Variants in GALNT17 observed in about 807,000 individuals in gnomAD.
GALNT17 encodes the protein UDP-GalNAc:polypeptide N-acetylgalactosaminyltransferase-like 3.
In GALNT17, 29 loss-of-function variants were observed where a neutral mutation model predicts 63.7. The observed-to-expected ratio is 0.46, with a 90% confidence interval of 0.34 to 0.62. The LOEUF (loss-of-function observed/expected upper bound fraction) is 0.62, where lower values mean the gene tolerates loss of function less well. Among genes scored for constraint, GALNT17 ranks in the 20% least tolerant of loss-of-function variants. The pLI is 0.01. For missense variants in GALNT17, 603 were observed against 799.6 expected (o/e 0.75, Z 2.97); for synonymous variants, 305 against 318.3 (o/e 0.96, Z 0.45).
chr7:71,358,313 TGAACGCCG>T (rs1156726784), intron 2 of GALNT17, among the ~76,000 whole-genome samples: 1 of 152,222 alleles, frequency 6.6e-6, no homozygotes, highest in Non-Finnish European at 1.5e-5. Context: ...GAGAATCACT[TGAACGCCG>T]GAGGCGGAGG....
intron 1 of GALNT17, among the ~76,000 whole-genome samples, chr7:71,281,940 A>G (rs1558003): frequency 0.45 from 68,968 of 151,994 alleles, 16,799 homozygotes; most frequent in Non-Finnish European, 0.53. Flanking sequence ...CTTCTGGAAA[A>G]AATCCGATTC....
chr7:71,380,351 T>A (rs1053833845), intron 2 of GALNT17, among the ~76,000 whole-genome samples: 2 of 152,098 alleles, frequency 1.3e-5, no homozygotes, highest in African/African-American at 2.4e-5. Flanking sequence ...TATTATTATT[T>A]TTGAAACAGA....
At position 71,377,110 on chromosome 7, in the gene GALNT17, A is replaced by T. The variant is rs1226508704; in HGVS notation, c.423-11125A>T. 9.6e-3 allele frequency among the ~76,000 whole-genome samples: 606 copies of T among 63,088 alleles called. 53 individuals are homozygous for T. The highest frequency in any genetic ancestry group is 0.028 in the African/African-American group (350 of 12,592). The allele number at this position is 63,088 out of a possible 152,430, so 41.4% of individuals were successfully genotyped here. A position where few individuals can be genotyped will look rare whatever the true frequency, so the allele number is the denominator to read the frequency against. ...CAAAAAAAAAAAAAAATAAAAATAAAAAAAATATATATATATATATATATA... is the reference window on the plus strand; with the variant it reads ...CAAAAAAAAAAAAAAATAAAAATAATAAAAATATATATATATATATATATA... On this transcript the variant is annotated intron_variant, in intron 2 of 10. Coordinates refer to ENST00000333538, the MANE Select transcript of GALNT17 (RefSeq NM_022479.3).
intron 2 of GALNT17, among the ~76,000 whole-genome samples, chr7:71,374,093 G>A (rs1398564867): frequency 2.0e-5 from 3 of 152,146 alleles, no homozygotes; most frequent in African/African-American, 7.2e-5. Context: ...TGCGTTTTTG[G>A]TGTGGAAAAC....
chr7:71,538,461 C>T (rs531392136), intron 5 of GALNT17, among the ~76,000 whole-genome samples: 3 of 152,234 alleles, frequency 2.0e-5, no homozygotes, highest in African/African-American at 7.2e-5. Flanking sequence ...GTCAACCCGA[C>T]GGGACGCGAC....
chr7:71,649,340 C>T (rs1386400860), intron 6 of GALNT17, among the ~76,000 whole-genome samples: 1 of 152,130 alleles, frequency 6.6e-6, no homozygotes, highest in Non-Finnish European at 1.5e-5. Context: ...ACCAAAACAG[C>T]AGGAGTTGCA....
chr7:71,170,974 CAT>C (rs1462772309), intron 1 of GALNT17, among the ~76,000 whole-genome samples: 4 of 152,156 alleles, frequency 2.6e-5, no homozygotes, highest in South Asian at 2.1e-4. Flanking sequence ...ATTTCCCAAA[CAT>C]GTGATTAGTA....
At chr7:71,629,906 G>A (rs888330391) in intron 6 of GALNT17, among the ~76,000 whole-genome samples, 1 of 151,928 alleles carries the variant, frequency 6.6e-6, no homozygotes, top group South Asian at 2.1e-4. Flanking sequence ...ATTAGTGTGA[G>A]CCACTATACC....
chr7:71,712,148 G>A lies in GALNT17; in HGVS notation c.*2G>A. The A allele has an allele frequency of 1.9e-6, 3 of 1,611,880 alleles. No individual in the cohort carries two copies. The highest frequency in any genetic ancestry group is 2.5e-6 in the Non-Finnish European group (3 of 1,178,792). The stretch of plus-strand genomic sequence containing the variant: ...ACCATTAAGAACTCCATCAAGTAGA[G>A]GGAGGGAGCTGGGGCACTGGAGCCT... On this transcript the variant is annotated 3_prime_UTR_variant, in exon 11 of 11. Transcript: ENST00000333538.
At chr7:71,268,732 C>G (rs1790535207) in intron 1 of GALNT17, among the ~76,000 whole-genome samples, 1 of 152,034 alleles carries the variant, frequency 6.6e-6, no homozygotes, top group African/African-American at 2.4e-5. Flanking sequence ...TTGGGATCAC[C>G]TGAAATAGGG....
At chr7:71,623,302 TTAAA>T (rs1296237058) in intron 6 of GALNT17, among the ~76,000 whole-genome samples, 2 of 151,932 alleles carry the variant, frequency 1.3e-5, no homozygotes, top group African/African-American at 2.4e-5. Flanking sequence ...TTTGTGAGGT[TTAAA>T]TAAATAAATA....
At chr7:71,472,474 G>T (rs1312431836) in intron 5 of GALNT17, among the ~76,000 whole-genome samples, 2 of 152,164 alleles carry the variant, frequency 1.3e-5, no homozygotes, top group Admixed American at 1.3e-4. Flanking sequence ...TGATCAAATG[G>T]TCAAGAGGTC....
intron 6 of GALNT17, among the ~76,000 whole-genome samples, chr7:71,663,367 A>G (rs1421478216): frequency 6.6e-6 from 1 of 152,172 alleles, no homozygotes; most frequent in Admixed American, 6.5e-5. Flanking sequence ...TTGCAACATC[A>G]TTGTGAGACC....
chr7:71,665,343 G>T, intron 6 of GALNT17, 68 bp from the exon 7 acceptor site: 2 of 1,491,608 alleles, frequency 1.3e-6, no homozygotes, highest in East Asian at 2.3e-5. Context: ...CATTGCTTTT[G>T]GGCTTGGGGA....
intron 2 of GALNT17, among the ~76,000 whole-genome samples, chr7:71,373,345 G>T (rs1792661488): frequency 6.6e-6 from 1 of 152,144 alleles, no homozygotes. Context: ...CCTGCTTTCT[G>T]CGGTGTGACT....
chr7:71,355,699 A>G (rs1792272131), intron 2 of GALNT17, among the ~76,000 whole-genome samples: 2 of 151,456 alleles, frequency 1.3e-5, no homozygotes, highest in African/African-American at 4.9e-5. Context: ...TGCCCAGCTA[A>G]TTTTTGTGTT....
intron 1 of GALNT17, among the ~76,000 whole-genome samples, chr7:71,219,834 G>A (rs563643132): frequency 9.5e-4 from 145 of 152,252 alleles, no homozygotes; most frequent in African/African-American, 3.4e-3. Flanking sequence ...TATGAGGAAG[G>A]CACTAATATG....
intron 6 of GALNT17, among the ~76,000 whole-genome samples, chr7:71,624,998 C>T (rs779005767): frequency 7.8e-4 from 119 of 152,048 alleles, no homozygotes; most frequent in Non-Finnish European, 1.6e-3. Context: ...AGGCAAGTGG[C>T]GTCATAGCAT....
In GALNT17 at chr7:71,663,769, G is replaced by C. The variant is rs559315062; in HGVS notation, c.1081-1642G>C. Among the ~76,000 whole-genome samples the C allele has an allele frequency of 3.3e-5, 5 of 152,278 alleles. No individual in the cohort carries two copies. In the Middle Eastern group the frequency reaches 0.01, roughly 313 times the overall value. The stretch of plus-strand genomic sequence containing the variant: ...AATTCAGCCAACAAAAGTCAAGAAG[G>C]GGGTATGTAGACACTCAAGAGTGTC... On this transcript the variant is annotated intron_variant, in intron 6 of 10. Coordinates refer to ENST00000333538, the MANE Select transcript of GALNT17 (RefSeq NM_022479.3).
Sources: gnomAD v4.1 joint callset for allele counts (sites outside exome capture counted in the v4.1 genomes callset) on GRCh38, gnomAD v4.1.1 for gene constraint, MANE v1.5 for transcripts, NCBI Gene and HGNC (gene_info 2026-07-23, HGNC 2026-07-21) for gene names.